The following UBTF variants were observed in gnomAD, a reference collection of about 807,000 sequenced individuals.
The protein encoded by UBTF is upstream binding transcription factor.
In UBTF, 8 loss-of-function variants were observed where a neutral mutation model predicts 112.3. The observed-to-expected ratio is 0.07, with a 90% CI of 0.04 to 0.13. The LOEUF is 0.13. Among genes scored for constraint, UBTF ranks in the 10% least tolerant of loss-of-function variants. The pLI, the probability that UBTF is intolerant of heterozygous loss-of-function variation, is 1.00. For missense variants in UBTF, 457 were observed against 982.1 expected (o/e 0.47, Z 7.15); for synonymous variants, 417 against 373.1 (o/e 1.12, Z -1.36).
In UBTF at chr17:44,207,850, G is replaced by A; in HGVS notation, c.1953+14C>T. The A allele has an allele frequency of 1.9e-6, 3 of 1,613,282 alleles. No homozygotes were observed. The highest frequency in any genetic ancestry group is 2.5e-6 in the Non-Finnish European group (3 of 1,180,028). Reference sequence around the variant, plus strand: ...CCCACCCCTACCCCACTGCTGCTCTGCTCCCAGACTCACATTGGAGATGTA... The same window carrying A: ...CCCACCCCTACCCCACTGCTGCTCTACTCCCAGACTCACATTGGAGATGTA... On this transcript the variant is annotated intron_variant, in intron 18 of 20. Transcript: ENST00000436088.
intron 8 of UBTF, 52 bp downstream of exon 8, chr17:44,212,292 G>C (rs1392020350): frequency 6.6e-7 from 1 of 1,506,552 alleles, no homozygotes; most frequent in Admixed American, 1.7e-5. Flanking sequence ...CGGAGTCGGA[G>C]GGCAGAGGCT....
In UBTF at chr17:44,206,559, C is replaced by G. The variant is rs1172286674; in HGVS notation, c.*683G>C. On this transcript the variant is annotated 3_prime_UTR_variant, in exon 21 of 21. Coordinates refer to ENST00000436088, the MANE Select transcript of UBTF (RefSeq NM_014233.4). ...CCAAATCTACCCCTAAACCCTCCCT[C>G]TCCCAGAAATGACAACAGAGACGGC... is the stretch of plus-strand genomic sequence containing the variant. 1 of 149,770 alleles carries G rather than the reference C, an allele frequency of 6.7e-6. No homozygotes were observed. Among genetic ancestry groups the G allele is most frequent in the African/African-American group, 2.5e-5 (1 of 40,194 alleles). 9.3% of individuals were successfully genotyped at this position (149,770 alleles called of 1,614,324 possible).
In UBTF at chr17:44,207,985, G is replaced by A. The variant is rs543721155; in HGVS notation, c.1906-74C>T. On this transcript the variant is annotated intron_variant, in intron 17 of 20. Transcript: ENST00000436088. ...GACTGAGCATGCTGGCCCAGTGCTA[G>A]GCAGTGGGCTGAGCATTTATATATC... 1.3e-5 allele frequency: 21 copies of A among 1,578,970 alleles called. No individual in the cohort carries two copies. The African/African-American group carries it at 2.4e-4, about 18-fold the overall frequency.
In UBTF at chr17:44,218,245, C is replaced by T; in HGVS notation, c.-16G>A. ...CTCCGTTCATCCTCCAGCTGTCCAG[C>T]CACCTCCTCGGTCGTGCTGGCCGGG... On this transcript the variant is annotated 5_prime_UTR_variant, in exon 2 of 21. Coordinates refer to ENST00000436088, the MANE Select transcript of UBTF (RefSeq NM_014233.4). The T allele has an allele frequency of 6.2e-7, 1 of 1,611,852 alleles. No individual in the cohort carries two copies. Among genetic ancestry groups the T allele is most frequent in the Non-Finnish European group, 8.5e-7 (1 of 1,179,618 alleles).
Position 44,211,885 on chromosome 17 carries a change from G to C in UBTF, c.893C>G (p.Thr298Ser). The change falls in exon 9 of 21, where the codon ACC becomes AGC. Residue 298 changes from threonine to serine, a missense_variant. Physicochemically the swap from Thr to Ser is moderately conservative, Grantham distance 58. Around this residue, in one of 7 missense-constraint regions of UBTF, gnomAD observed 87 missense variants for 286.6 expected, o/e 0.30. Coordinates refer to ENST00000436088, the MANE Select transcript of UBTF (RefSeq NM_014233.4). This position sits in a 1 kb window ranked among gnomAD's most constrained non-coding sequence, Gnocchi z 4.9. ...QLKDKFDGRPTKPPPNSYSLY... is the reference protein window; with the variant it reads ...QLKDKFDGRPSKPPPNSYSLY... ...GGGCAGCGCTCACGGAGGTGGCTTG[G>C]TGGGTCGCCCGTCAAACTTGTCCTT... 1.9e-6 allele frequency: 3 copies of C among 1,613,644 alleles called. No homozygotes were observed. Among genetic ancestry groups the C allele is most frequent in the Non-Finnish European group, 2.5e-6 (3 of 1,179,994 alleles).
intron 6 of UBTF, 45 bp from the exon 7 acceptor site, chr17:44,212,984 G>GGGCAGACTCAAGCTAGCTGCCCC: frequency 6.2e-7 from 1 of 1,604,482 alleles, no homozygotes; most frequent in Non-Finnish European, 8.5e-7. Context: ...GACGCTGCCA[G>GGGCAGACTCAAGCTAGCTGCCCC]GGCAGACTCA....
chr17:44,218,406 C>T (rs1415397029), intron 1 of UBTF, 110 bp from the exon 2 acceptor site: 2 of 643,082 alleles, frequency 3.1e-6, no homozygotes, highest in Admixed American at 5.9e-5. Flanking sequence ...AGAGACTCAG[C>T]CATGACCTTA....
upstream of UBTF, among the ~76,000 whole-genome samples, chr17:44,220,088 G>A (rs1265107517): frequency 5.7e-5 from 8 of 139,588 alleles, no homozygotes; most frequent in East Asian, 1.0e-3. Flanking sequence ...CCGGGGAAGG[G>A]GGGGGGGGCC....
At chr17:44,220,365 C>T (rs1442926958), upstream of UBTF, among the ~76,000 whole-genome samples, 1 of 152,090 alleles carries the variant, frequency 6.6e-6, no homozygotes, top group Non-Finnish European at 1.5e-5. Context: ...TCTCTCCCGC[C>T]TCCCGGAGCG....
chr17:44,218,468 G>C (rs977408778), intron 1 of UBTF, 172 bp from the exon 2 acceptor site: 18 of 510,674 alleles, frequency 3.5e-5, no homozygotes, highest in African/African-American at 3.3e-4. Context: ...TCTTCCTCGT[G>C]ACCCCCTCCC....
chr17:44,205,929 C>T lies in UBTF; in HGVS notation c.*1313G>A, dbSNP rs1179056477. 2.0e-5 allele frequency: 3 copies of T among 152,014 alleles called. No individual in the cohort carries two copies. The highest frequency in any genetic ancestry group is 4.4e-5 in the Non-Finnish European group (3 of 68,010). The allele number at this position is 152,014 out of a possible 1,614,324, so 9.4% of individuals were successfully genotyped here. ...GATGCAGCTTTTGCAGACTTCTTGC[C>T]CAGCTGTGGGGTTGGGGGAGGAGGG... On this transcript the variant is annotated 3_prime_UTR_variant, in exon 21 of 21. Coordinates refer to ENST00000436088, the MANE Select transcript of UBTF (RefSeq NM_014233.4).
At chr17:44,220,779 A>G (rs1451483696), upstream of UBTF, 1 of 151,970 alleles carries the variant, frequency 6.6e-6, no homozygotes, top group Non-Finnish European at 1.5e-5. Context: ...GGCACCTGGG[A>G]GCACGGCGGG....
chr17:44,215,375 G>T (rs1306833072), intron 5 of UBTF: 9 of 454,972 alleles, frequency 2.0e-5, no homozygotes, highest in Non-Finnish European at 3.2e-5. Context: ...GTGTATGGGG[G>T]AGAGAGAGCT....
chr17:44,214,457 C>A (rs952795988), intron 5 of UBTF, among the ~76,000 whole-genome samples: 20 of 152,206 alleles, frequency 1.3e-4, no homozygotes, highest in African/African-American at 4.8e-4. Flanking sequence ...CTTGTGTCCC[C>A]CAGGACAGCA....
In UBTF at chr17:44,217,620, C is replaced by T. The variant is rs2046911164; in HGVS notation, c.58+552G>A. On this transcript the variant is annotated intron_variant, in intron 2 of 20. Transcript: ENST00000436088. The stretch of plus-strand genomic sequence containing the variant: ...GGGCCACGTGGACCCATAATCCCCT[C>T]TCCCCTCAATGTCCCACAAGCATGG... 2.0e-5 allele frequency among the ~76,000 whole-genome samples: 3 copies of T among 152,336 alleles called. No individual in the cohort carries two copies. The South Asian group carries it at 6.2e-4, about 32-fold the overall frequency.
At chr17:44,209,180 AAAAAT>A in intron 17 of UBTF, 167 bp downstream of exon 17, 12 of 682,566 alleles carry the variant, frequency 1.8e-5, no homozygotes, top group South Asian at 2.9e-5. Context: ...AAATAAAAAA[AAAAAT>A]AAAAATAAAA....
At chr17:44,219,992 C>T (rs2144564458), upstream of UBTF, among the ~76,000 whole-genome samples, 1 of 145,602 alleles carries the variant, frequency 6.9e-6, no homozygotes, top group South Asian at 2.2e-4. Context: ...CCCGGGCGGC[C>T]GAGGCGGAGG....
At chr17:44,207,974 G>A (rs1598214905) in intron 17 of UBTF, 63 bp from the exon 18 acceptor site, 1 of 1,606,340 alleles carries the variant, frequency 6.2e-7, no homozygotes, top group Non-Finnish European at 8.5e-7. Flanking sequence ...GAGCATGCTG[G>A]CCCAGTGCTA....
At position 44,211,935 on chromosome 17, in the gene UBTF, G is replaced by A. The variant is rs369994028; in HGVS notation, c.843C>T (p.Thr281=). The A allele has an allele frequency of 4.3e-6, 7 of 1,613,900 alleles. No individual in the cohort carries two copies. Among genetic ancestry groups the A allele is most frequent in the Non-Finnish European group, 5.9e-6 (7 of 1,180,018 alleles). Residue 281 remains threonine (T), a synonymous_variant, in exon 9 of 21, where the codon ACC becomes ACT. Transcript: ENST00000436088. This position sits in a 1 kb window ranked among gnomAD's most constrained non-coding sequence, Gnocchi z 4.9. ...TGAGCTGGCGTTCGGCCTTGGTGAG[G>A]GTGGACTTGGTGATACCCTCCTCAC... The part of the protein sequence containing the change: ...NISEEGITKS[T]LTKAERQLKD...
Sources: gnomAD v4.1 joint callset for allele counts (sites outside exome capture counted in the v4.1 genomes callset) on GRCh38, gnomAD v4.1.1 for gene constraint, gnomAD v4.1.1 regional missense constraint, Gnocchi (gnomAD v3.1) non-coding constraint, MANE v1.5 for transcripts, NCBI Gene and HGNC (gene_info 2026-07-23, HGNC 2026-07-21) for gene names.